GUCY2F: variants seen among roughly 807,000 people sequenced by gnomAD.
GUCY2F encodes retinal guanylyl cyclase 2.
GUCY2F carries 61 observed loss-of-function variants against 73.1 expected under a neutral mutation model. The ratio of observed to expected loss-of-function variants is 0.83; its 90% CI spans 0.68 to 1.03. GUCY2F has a LOEUF of 1.03. GUCY2F is among the 50% of genes least tolerant of loss of function. The pLI is 0.00. For synonymous variants in GUCY2F, 331 were observed against 307.8 expected (o/e 1.08, Z -0.79); for missense variants, 912 against 854.3 (o/e 1.07, Z -0.84).
At chrX:109,406,046 A>ATT (rs1296708428) in intron 9 of GUCY2F, among the ~76,000 whole-genome samples, 1 of 111,734 alleles carries the variant, frequency 8.9e-6, no homozygotes, top group Non-Finnish European at 1.9e-5. Flanking sequence ...GAAAAAGGTC[A>ATT]AGACTATGAT....
At chrX:109,449,245 C>G (rs1204216896) in intron 5 of GUCY2F, among the ~76,000 whole-genome samples, 1 of 112,267 alleles carries the variant, frequency 8.9e-6, no homozygotes, top group Non-Finnish European at 1.9e-5. Flanking sequence ...GTATCAGCAA[C>G]TCAGTTTTTC....
intron 1 of GUCY2F, among the ~76,000 whole-genome samples, chrX:109,479,939 G>A (rs16985760): frequency 0.086 from 9,570 of 111,300 alleles, 1,030 homozygotes; most frequent in African/African-American, 0.3. Flanking sequence ...AGAAAAGCAA[G>A]CATGTACCTC....
At chrX:109,393,595 G>A (rs950472380) in intron 12 of GUCY2F, among the ~76,000 whole-genome samples, 7 of 111,553 alleles carry the variant, frequency 6.3e-5, no homozygotes, top group East Asian at 2.8e-4. Context: ...ATTTCTTACC[G>A]TGGAGTCCAA....
Position 109,385,167 on chromosome X carries a change from C to G in GUCY2F, c.3055+17G>C, listed in dbSNP as rs748226435. Reference sequence around the variant, plus strand: ...CAGAGTGGTGCCATCCTATCCATCTCTCTATTAGGTACTCACGTAAGCCTG... The same window carrying G: ...CAGAGTGGTGCCATCCTATCCATCTGTCTATTAGGTACTCACGTAAGCCTG... On this transcript the variant is annotated intron_variant, in intron 16 of 19. Coordinates refer to ENST00000218006, the MANE Select transcript of GUCY2F (RefSeq NM_001522.3). 3.6e-5 allele frequency: 33 copies of G among 928,976 alleles called. No homozygotes were observed. The highest frequency in any genetic ancestry group is 4.8e-5 in the Non-Finnish European group (31 of 645,725). The allele number at this position is 928,976 out of a possible 1,213,427, so 76.6% of individuals were successfully genotyped here. A position where few individuals can be genotyped will look rare whatever the true frequency, so the allele number is the denominator to read the frequency against.
In GUCY2F at chrX:109,465,434, A is replaced by G. The variant is rs1932450062; in HGVS notation, c.740T>C (p.Met247Thr). 8.4e-7 allele frequency: 1 copy of G among 1,189,626 alleles called. No individual in the cohort carries two copies. Among genetic ancestry groups the G allele is most frequent in the Non-Finnish European group, 1.1e-6 (1 of 880,527 alleles). The change falls in exon 3 of 20, where the codon ATG becomes ACG. Residue 247 changes from methionine to threonine, a missense_variant. By Grantham distance (81) the Met-to-Thr change is moderately conservative (BLOSUM62 -1). Coordinates refer to ENST00000218006, the MANE Select transcript of GUCY2F (RefSeq NM_001522.3). ...CCCAATCAAAGCTGAATGCATACAC[A>G]TGATGATTACTGAAACCAACAAAGC... ...HQADRIRIII[M>T]CMHSALIGGE...
chrX:109,447,871 T>G (rs1249709261), intron 6 of GUCY2F, among the ~76,000 whole-genome samples, 198 bp downstream of exon 6: 1 of 108,264 alleles, frequency 9.2e-6, no homozygotes, highest in Non-Finnish European at 1.9e-5. Context: ...TTAATTAACA[T>G]TTTTAATTTT....
intron 3 of GUCY2F, among the ~76,000 whole-genome samples, chrX:109,459,758 G>A (rs1603385245): frequency 9.0e-6 from 1 of 111,667 alleles, no homozygotes; most frequent in East Asian, 2.8e-4. Context: ...CAAACAAAAA[G>A]CAACTGTTTA....
intron 12 of GUCY2F, among the ~76,000 whole-genome samples, chrX:109,393,856 C>T (rs1306296393): frequency 2.7e-5 from 3 of 112,171 alleles, no homozygotes; most frequent in African/African-American, 3.2e-5. Context: ...AACAAAAAAT[C>T]GGAGGTGGTT....
chrX:109,470,430 T>C (rs953605781), intron 2 of GUCY2F, among the ~76,000 whole-genome samples: 19 of 112,063 alleles, frequency 1.7e-4, no homozygotes, highest in Admixed American at 1.9e-4. Context: ...TCAGTATCAC[T>C]GTTGTTATCA....
Position 109,434,457 on chromosome X carries a change from G to A in GUCY2F, c.1702-4061C>T, listed in dbSNP as rs374149666. Among the ~76,000 whole-genome samples the A allele has an allele frequency of 1.0e-4, 11 of 109,203 alleles. No individual in the cohort carries two copies. The East Asian group carries it at 1.4e-3, about 14-fold the overall frequency. The allele number at this position is 109,203 out of a possible 115,157, so 94.8% of individuals were successfully genotyped here. On this transcript the variant is annotated intron_variant, in intron 7 of 19. Transcript: ENST00000218006. Reference sequence around the variant, plus strand: ...TGTGTGAGCGTAGTACAACGTGATGGCATGTCCTAAACCTGTCTTTTGCTA... The same window carrying A: ...TGTGTGAGCGTAGTACAACGTGATGACATGTCCTAAACCTGTCTTTTGCTA...
At chrX:109,476,781 A>AGAC (rs1435281543) in intron 1 of GUCY2F, among the ~76,000 whole-genome samples, 2 of 107,099 alleles carry the variant, frequency 1.9e-5, no homozygotes, top group Non-Finnish European at 1.9e-5. Context: ...TAGACAGACT[A>AGAC]TATATATATG....
intron 8 of GUCY2F, among the ~76,000 whole-genome samples, chrX:109,414,003 G>GT (rs1931177718): frequency 9.1e-6 from 1 of 109,587 alleles, no homozygotes; most frequent in Non-Finnish European, 1.9e-5. Flanking sequence ...CTAGGCTGGA[G>GT]TGCAGTGGCG....
intron 2 of GUCY2F, 98 bp downstream of exon 2, chrX:109,475,109 G>A (rs17247681): frequency 0.021 from 17,974 of 841,190 alleles, 170 homozygotes; most frequent in Non-Finnish European, 0.026. Flanking sequence ...AATGGGAAGG[G>A]ATGTGCTACC....
intron 18 of GUCY2F, 41 bp from the exon 19 acceptor site, chrX:109,376,027 T>C: frequency 8.6e-7 from 1 of 1,160,799 alleles, no homozygotes; most frequent in Non-Finnish European, 1.2e-6. Context: ...GTGAAGAAAG[T>C]GTGGCAGAGT....
intron 17 of GUCY2F, among the ~76,000 whole-genome samples, chrX:109,376,633 C>G (rs1416665700): frequency 8.9e-6 from 1 of 112,047 alleles, no homozygotes; most frequent in African/African-American, 3.2e-5. Flanking sequence ...TTTGAGAGGT[C>G]TACATTTGTG....
chrX:109,375,331 G>T (rs937401000), intron 19 of GUCY2F, among the ~76,000 whole-genome samples: 1 of 111,578 alleles, frequency 9.0e-6, no homozygotes, highest in Non-Finnish European at 1.9e-5. Flanking sequence ...TCCTAGTAGG[G>T]GAGGAAGGAT....
chrX:109,470,982 C>T (rs933691141), intron 2 of GUCY2F, among the ~76,000 whole-genome samples: 3 of 111,925 alleles, frequency 2.7e-5, no homozygotes, highest in Non-Finnish European at 5.6e-5. Flanking sequence ...CCATACAAAG[C>T]CCTTGAAAAA....
chrX:109,420,223 A>T (rs1481335284), intron 8 of GUCY2F, among the ~76,000 whole-genome samples: 2 of 104,396 alleles, frequency 1.9e-5, no homozygotes, highest in Admixed American at 2.1e-4. Flanking sequence ...AGGCCACCAA[A>T]AAAAAAAAAA....
chrX:109,384,998 C>A (rs965342008), intron 16 of GUCY2F, among the ~76,000 whole-genome samples, 186 bp downstream of exon 16: 2 of 111,711 alleles, frequency 1.8e-5, no homozygotes, highest in African/African-American at 6.5e-5. Context: ...AACATCACCC[C>A]CTACTGGTTT....
Sources: gnomAD v4.1 joint callset for allele counts (sites outside exome capture counted in the v4.1 genomes callset) on GRCh38, gnomAD v4.1.1 for gene constraint, MANE v1.5 for transcripts, NCBI Gene and HGNC (gene_info 2026-07-23, HGNC 2026-07-21) for gene names.